Variants in CCDC7 observed in about 807,000 individuals in gnomAD.
CCDC7 encodes coiled-coil domain-containing protein 7.
Under a neutral mutation model 196.9 loss-of-function variants are expected in CCDC7, and 183 were observed. That is an observed-to-expected ratio of 0.93 (90% CI 0.82 to 1.05). The LOEUF (loss-of-function observed/expected upper bound fraction) is 1.05, where lower values mean the gene tolerates loss of function less well. Among genes scored for constraint, CCDC7 ranks in the 50% least tolerant of loss-of-function variants. CCDC7 has a pLI of 0.00. For missense variants in CCDC7, 1,540 were observed against 1,482.2 expected, an observed-to-expected ratio of 1.04 and a Z score of -0.64; for synonymous variants, 525 against 484.6, an observed-to-expected ratio of 1.08 and a Z score of -1.10.
intron 26 of CCDC7, among the ~76,000 whole-genome samples, chr10:32,728,235 T>C (rs907743461): frequency 6.6e-6 from 1 of 152,164 alleles, no homozygotes; most frequent in African/African-American, 2.4e-5. Flanking sequence ...CTTTGGTAGG[T>C]AGGTAAAGTG....
intron 18 of CCDC7, among the ~76,000 whole-genome samples, chr10:32,605,739 C>T (rs2061498552): frequency 6.6e-6 from 1 of 151,990 alleles, no homozygotes; most frequent in Non-Finnish European, 1.5e-5. Context: ...CTTCCAGCAA[C>T]CTAAGTCAGA....
At chr10:32,530,397 A>G (rs1410685778) in intron 11 of CCDC7, among the ~76,000 whole-genome samples, 2 of 152,142 alleles carry the variant, frequency 1.3e-5, no homozygotes, top group Admixed American at 6.5e-5. Flanking sequence ...AATAAAGGTC[A>G]TTTATAACAA....
intron 9 of CCDC7, among the ~76,000 whole-genome samples, chr10:32,502,169 G>T (rs983459943): frequency 1.3e-5 from 2 of 152,184 alleles, no homozygotes; most frequent in African/African-American, 2.4e-5. Flanking sequence ...TGGACTCTGT[G>T]GGGGTGGGAC....
At chr10:32,451,515 T>C, upstream of CCDC7, 1 of 1,329,828 alleles carries the variant, frequency 7.5e-7, no homozygotes, top group Non-Finnish European at 1.0e-6. Context: ...GCTAAAGCCA[T>C]CAGAAAAAGA....
chr10:32,663,420 T>C (rs1366005622), intron 20 of CCDC7, among the ~76,000 whole-genome samples: 1 of 152,226 alleles, frequency 6.6e-6, no homozygotes. Flanking sequence ...CTTTGTTTTC[T>C]GGTTTATCTT....
intron 9 of CCDC7, among the ~76,000 whole-genome samples, chr10:32,501,085 C>CT (rs2043955587): frequency 6.6e-6 from 1 of 152,108 alleles, no homozygotes; most frequent in East Asian, 1.9e-4. Flanking sequence ...TCTTTTCACT[C>CT]TTTTTTTGTC....
intron 33 of CCDC7, among the ~76,000 whole-genome samples, chr10:32,840,188 A>G (rs2092885805): frequency 6.6e-6 from 1 of 151,970 alleles, no homozygotes; most frequent in African/African-American, 2.4e-5. Context: ...AAACAAAAAA[A>G]TGCAAAAGAT....
intron 18 of CCDC7, among the ~76,000 whole-genome samples, chr10:32,616,374 C>T (rs77843865): frequency 0.076 from 11,503 of 151,682 alleles, 528 homozygotes; most frequent in East Asian, 0.16. Flanking sequence ...GATCTTTTTA[C>T]TCCTTGGTCA....
At chr10:32,882,323 G>A (rs11009122) in intron 22 of CCDC7, among the ~76,000 whole-genome samples, 24,831 of 152,082 alleles carry the variant, frequency 0.16, 2,394 homozygotes, top group East Asian at 0.25. Flanking sequence ...TTAACGGCGA[G>A]GGGTGAGAAA....
At chr10:32,881,097 T>C (rs2094775323), downstream of CCDC7, among the ~76,000 whole-genome samples, 1 of 152,084 alleles carries the variant, frequency 6.6e-6, no homozygotes, top group Admixed American at 6.6e-5. Flanking sequence ...TGTGATTACT[T>C]TTGGGGAGGG....
intron 20 of CCDC7, among the ~76,000 whole-genome samples, chr10:32,661,497 G>C (rs530548075): frequency 1.3e-5 from 2 of 152,300 alleles, no homozygotes; most frequent in African/African-American, 4.8e-5. Context: ...CTCACCTGAA[G>C]CCAGCATATC....
intron 29 of CCDC7, among the ~76,000 whole-genome samples, chr10:32,793,653 A>G (rs2083076611): frequency 6.6e-6 from 1 of 152,296 alleles, no homozygotes; most frequent in Non-Finnish European, 1.5e-5. Context: ...ACATTTCCTT[A>G]ATTTCTTTAT....
chr10:32,729,427 A>G lies in CCDC7; in HGVS notation c.2875A>G (p.Lys959Glu), dbSNP rs757968085. ...ATCAAGAAGCGAATCTCAAACGAAG[A>G]AACTTCAAGCTAAAGTAACTTCAAG... is the stretch of plus-strand genomic sequence containing the variant. Residue 959 changes from lysine to glutamate, a missense_variant, in exon 28 of 42, where the codon AAA (lysine) becomes GAA (glutamate). Coordinates refer to ENST00000639629, the Ensembl canonical transcript of CCDC7. The G allele has an allele frequency of 1.8e-5, 24 of 1,360,656 alleles. No individual in the cohort carries two copies. In the African/African-American group the frequency reaches 3.1e-4, roughly 18 times the overall value. The allele number at this position is 1,360,656 out of a possible 1,614,324, so 84.3% of individuals were successfully genotyped here. A position where few individuals can be genotyped will look rare whatever the true frequency, so the allele number is the denominator to read the frequency against.
intron 41 of CCDC7, among the ~76,000 whole-genome samples, chr10:32,865,890 T>G (rs2094185325): frequency 6.6e-6 from 1 of 151,680 alleles, no homozygotes; most frequent in African/African-American, 2.4e-5. Context: ...AAAGGTAAGT[T>G]TAAATATGGA....
intron 28 of CCDC7, among the ~76,000 whole-genome samples, chr10:32,738,330 C>T (rs2085217422): frequency 6.6e-6 from 1 of 151,992 alleles, no homozygotes; most frequent in African/African-American, 2.4e-5. Context: ...CATTTCCTGC[C>T]TTTTGTCACT....
At chr10:32,761,503 T>C (rs1398863693) in intron 28 of CCDC7, among the ~76,000 whole-genome samples, 5 of 151,988 alleles carry the variant, frequency 3.3e-5, no homozygotes, top group African/African-American at 4.8e-5. Context: ...TTACTCTTAT[T>C]ATGTTAGACA....
intron 18 of CCDC7, among the ~76,000 whole-genome samples, chr10:32,612,758 G>C (rs879719061): frequency 6.6e-6 from 1 of 152,068 alleles, no homozygotes; most frequent in Non-Finnish European, 1.5e-5. Context: ...GTGTCCCGGG[G>C]TGAAGCCGAC....
intron 30 of CCDC7, among the ~76,000 whole-genome samples, chr10:32,812,663 A>C (rs985971538): frequency 1.3e-5 from 2 of 152,108 alleles, no homozygotes; most frequent in African/African-American, 4.8e-5. Context: ...TAAAAGATTT[A>C]AAGCAAAGGG....
rs368906438 is a variant in CCDC7, at chr10:32,832,830, C to T, written c.3269-1985C>T. Among the ~76,000 whole-genome samples the T allele has an allele frequency of 1.8e-4, 28 of 151,820 alleles. No individual in the cohort carries two copies. The South Asian group carries it at 5.8e-3, about 32-fold the overall frequency. ...GATTTAAAATGTAATTGTGTGGTAC[C>T]ATATATAGATATATAAATTTGATAT... is the stretch of plus-strand genomic sequence containing the variant. On this transcript the variant is annotated intron_variant, in intron 32 of 41. Coordinates refer to ENST00000639629, the Ensembl canonical transcript of CCDC7.
Sources: gnomAD v4.1 joint callset for allele counts (sites outside exome capture counted in the v4.1 genomes callset) on GRCh38, gnomAD v4.1.1 for gene constraint, MANE v1.5 for transcripts, NCBI Gene and HGNC (gene_info 2026-07-23, HGNC 2026-07-21) for gene names.